EXD3: variants seen among roughly 807,000 people sequenced by gnomAD.
EXD3 encodes exonuclease mut-7 homolog.
Under a neutral mutation model 98.0 loss-of-function variants are expected in EXD3, and 92 were observed. The ratio of observed to expected loss-of-function variants is 0.94; its 90% CI spans 0.79 to 1.12. The LOEUF is 1.12. Among genes scored for constraint, EXD3 ranks in the 50% most tolerant of loss-of-function variants. The probability of loss-of-function intolerance (pLI) is 0.00; values close to 1 mark genes in which losing one functional copy is unlikely to be tolerated. For missense variants in EXD3, 1,222 were observed against 1,191.6 expected (o/e 1.03, Z -0.38); for synonymous variants, 569 against 526.0 (o/e 1.08, Z -1.12).
At chr9:137,350,310 G>A (rs1346059930) in intron 14 of EXD3, among the ~76,000 whole-genome samples, 2 of 99,224 alleles carry the variant, frequency 2.0e-5, no homozygotes, top group African/African-American at 3.8e-5. Context: ...TAGATAGAGA[G>A]GGGTGGGGAT....
chr9:137,353,616 C>T (rs1205647165), intron 10 of EXD3: 4 of 985,884 alleles, frequency 4.1e-6, no homozygotes, highest in African/African-American at 3.5e-5. Context: ...ACCGTGGCAG[C>T]GCCCAGCCCA....
At chr9:137,314,886 G>A (rs2119062611) in intron 19 of EXD3, among the ~76,000 whole-genome samples, 1 of 152,322 alleles carries the variant, frequency 6.6e-6, no homozygotes, top group African/African-American at 2.4e-5. Context: ...GGGCACACGT[G>A]CGCAACAGCC....
At chr9:137,322,620 G>A (rs1190287986) in intron 19 of EXD3, among the ~76,000 whole-genome samples, 2 of 89,938 alleles carry the variant, frequency 2.2e-5, no homozygotes, top group Admixed American at 1.2e-4. Context: ...ACCTCACCCC[G>A]GACCACGAGG....
intron 2 of EXD3, among the ~76,000 whole-genome samples, chr9:137,387,919 A>G (rs1836686820): frequency 6.6e-6 from 1 of 152,234 alleles, no homozygotes; most frequent in East Asian, 1.9e-4. Context: ...TCAGTGCTGC[A>G]CCGATGCCTG....
chr9:137,330,397 A>C (rs1411046724), intron 17 of EXD3, among the ~76,000 whole-genome samples: 6 of 117,328 alleles, frequency 5.1e-5, no homozygotes, highest in South Asian at 3.0e-4. Flanking sequence ...CACAGGAGCT[A>C]CACAGGGCTC....
At chr9:137,382,127 G>A (rs1490832392) in intron 3 of EXD3, among the ~76,000 whole-genome samples, 3 of 137,026 alleles carry the variant, frequency 2.2e-5, no homozygotes, top group East Asian at 2.2e-4. Context: ...GGAGGTGAGG[G>A]CGCGGGGAGG....
At chr9:137,336,505 A>G (rs1212369197) in intron 17 of EXD3, among the ~76,000 whole-genome samples, 1 of 152,108 alleles carries the variant, frequency 6.6e-6, no homozygotes, top group Admixed American at 6.6e-5. Context: ...TACTAAAAAT[A>G]CAAACATTAG....
rs1020299970 is a variant in EXD3 at position 137,354,166 on chromosome 9, C to A, written c.870+173G>T. ...TCGGCTCCCGCTCAGGCCTCCCGGG[C>A]CTGAGGACCCTACACCCGCCTGCCA... is the stretch of plus-strand genomic sequence containing the variant. On this transcript the variant is annotated intron_variant, in intron 10 of 21. Coordinates refer to ENST00000340951, the MANE Select transcript of EXD3 (RefSeq NM_017820.5). 1.1e-5 allele frequency: 16 copies of A among 1,440,462 alleles called. No homozygotes were observed. The African/African-American group carries it at 1.6e-4, about 14-fold the overall frequency. 89.2% of individuals were successfully genotyped at this position (1,440,462 alleles called of 1,614,324 possible). A position where few individuals can be genotyped will look rare whatever the true frequency, so the allele number is the denominator to read the frequency against.
intron 1 of EXD3, among the ~76,000 whole-genome samples, chr9:137,399,709 G>A (rs756340332): frequency 2.0e-4 from 30 of 152,168 alleles, no homozygotes; most frequent in East Asian, 5.8e-4. Flanking sequence ...GAATCATGGT[G>A]GGAGGCGAAA....
At position 137,402,978 on chromosome 9, in the gene EXD3, G is replaced by A. The variant is rs182115193; in HGVS notation, c.-47-7574C>T. 1.4e-4 allele frequency among the ~76,000 whole-genome samples: 22 copies of A among 152,176 alleles called. 1 individual carries two copies. In the East Asian group the frequency reaches 2.3e-3, roughly 16 times the overall value. On this transcript the variant is annotated intron_variant, in intron 1 of 21. Transcript: ENST00000340951. Reference sequence around the variant, plus strand: ...CCATGAGAACAGCATGGGAAAGACCGGCCCCAGGATTCAATTACTGCCCCC... The same window carrying A: ...CCATGAGAACAGCATGGGAAAGACCAGCCCCAGGATTCAATTACTGCCCCC...
intron 7 of EXD3, chr9:137,365,443 A>G (rs1360921063): frequency 6.5e-6 from 1 of 154,964 alleles, no homozygotes; most frequent in African/African-American, 2.4e-5. Flanking sequence ...TTGACCAGAT[A>G]TAGAGCAGGA....
chr9:137,396,297 A>ATCTACACTTACGAGGGTCACCCTTC (rs1837214139), intron 1 of EXD3, among the ~76,000 whole-genome samples: 4 of 152,178 alleles, frequency 2.6e-5, no homozygotes, highest in African/African-American at 9.7e-5. Context: ...CAAAACCCTT[A>ATCTACACTTACGAGGGTCACCCTTC]TCTACACTTA....
In EXD3 at chr9:137,381,415, C is replaced by CAA. The variant is rs61183889; in HGVS notation, c.120+1896_120+1897dup. On this transcript the variant is annotated intron_variant, in intron 3 of 21. Transcript: ENST00000340951. ...TGGGTGACAGAACAAGACTCCTTCT[C>CAA]AAAAAAAAAAAAAAAAAAAAAAAAG... Among the ~76,000 whole-genome samples, 401 of 50,392 alleles carry CAA rather than the reference C, an allele frequency of 8.0e-3. 14 individuals carry two copies. Among genetic ancestry groups the CAA allele is most frequent in the African/African-American group, 0.022 (330 of 14,936 alleles). 33.1% of individuals were successfully genotyped at this position (50,392 alleles called of 152,430 possible). A position where few individuals can be genotyped will look rare whatever the true frequency, so the allele number is the denominator to read the frequency against.
intron 1 of EXD3, among the ~76,000 whole-genome samples, chr9:137,415,230 G>A (rs1426680982): frequency 6.8e-6 from 1 of 147,304 alleles, no homozygotes; most frequent in Non-Finnish European, 1.5e-5. Context: ...TTGAGATGGA[G>A]TCTTGCTCTG....
intron 3 of EXD3, chr9:137,374,460 C>T (rs941701374): frequency 6.6e-5 from 44 of 669,478 alleles, no homozygotes; most frequent in Non-Finnish European, 7.9e-5. Context: ...ATGGTGTGCT[C>T]TCCACGGGGC....
rs1554739388 is a variant in EXD3 at position 137,407,214 on chromosome 9, C to CCCATGCGCCTGAAGT, written c.-47-11811_-47-11810insACTTCAGGCGCATGG. 6.6e-6 allele frequency among the ~76,000 whole-genome samples: 1 copy of CCCATGCGCCTGAAGT among 152,160 alleles called. No homozygotes were observed. Among genetic ancestry groups the CCCATGCGCCTGAAGT allele is most frequent in the African/African-American group, 2.4e-5 (1 of 41,436 alleles). ...CCTCCTCCGTCTCAGCCGCGTCGGT[C>CCCATGCGCCTGAAGT]CCAGGCGCCTCCCCTACCCGCACGC... is the stretch of plus-strand genomic sequence containing the variant. On this transcript the variant is annotated intron_variant, in intron 1 of 21. Coordinates refer to ENST00000340951, the MANE Select transcript of EXD3 (RefSeq NM_017820.5). This position sits in a 1 kb window ranked among gnomAD's most constrained non-coding sequence, Gnocchi z 4.4.
In EXD3 at chr9:137,354,484, C is replaced by A. The variant is rs1437724487; in HGVS notation, c.832-107G>T. 2.6e-6 allele frequency: 4 copies of A among 1,564,254 alleles called. No individual in the cohort carries two copies. The African/African-American group carries it at 5.4e-5, about 21-fold the overall frequency. ...CTGGCAGGGTACATCCTTGGCAGAG[C>A]CCAGGTGCTCACCCGCCCTGGTGCC... On this transcript the variant is annotated intron_variant, in intron 9 of 21. Transcript: ENST00000340951.
intron 17 of EXD3, among the ~76,000 whole-genome samples, chr9:137,338,848 G>A (rs1178401256): frequency 6.1e-5 from 9 of 147,656 alleles, no homozygotes; most frequent in African/African-American, 1.8e-4. Context: ...AGCCAAGATC[G>A]CGCCACTGCA....
At position 137,307,326 on chromosome 9, in the gene EXD3, CCA is replaced by C. The variant is rs1157306333; in HGVS notation, c.2318-65_2318-64del. 2.8e-6 allele frequency: 4 copies of C among 1,440,498 alleles called. No individual in the cohort carries two copies. In the African/African-American group the frequency reaches 5.7e-5, roughly 21 times the overall value. The allele number at this position is 1,440,498 out of a possible 1,614,324, so 89.2% of individuals were successfully genotyped here. On this transcript the variant is annotated intron_variant, in intron 21 of 21. Coordinates refer to ENST00000340951, the MANE Select transcript of EXD3 (RefSeq NM_017820.5). ...TTCGGGCACGGCCCCCAGGCTGCTC[CCA>C]GAGTGGTGCAGTTGGCGGCCCACGC...
Sources: gnomAD v4.1 joint callset for allele counts (sites outside exome capture counted in the v4.1 genomes callset) on GRCh38, gnomAD v4.1.1 for gene constraint, Gnocchi (gnomAD v3.1) non-coding constraint, MANE v1.5 for transcripts, NCBI Gene and HGNC (gene_info 2026-07-23, HGNC 2026-07-21) for gene names.